NFATC1: variants seen among roughly 807,000 people sequenced by gnomAD.
NFATC1 encodes the protein nuclear factor of activated T-cells, cytoplasmic 1.
In NFATC1, 22 loss-of-function variants were observed where a neutral mutation model predicts 76.0. That is an observed-to-expected ratio of 0.29 (90% confidence interval 0.21 to 0.41). The LOEUF (loss-of-function observed/expected upper bound fraction) is 0.41, where lower values mean the gene tolerates loss of function less well. Ranked by LOEUF, NFATC1 falls within the 10% of genes least tolerant of loss-of-function variation. The probability of loss-of-function intolerance (pLI) is 1.00; values close to 1 mark genes in which losing one functional copy is unlikely to be tolerated. For synonymous variants in NFATC1, 704 were observed against 613.1 expected (o/e 1.15, Z -2.19); for missense variants, 1,357 against 1,337.7 (o/e 1.01, Z -0.23).
At chr18:79,484,615 A>C (rs2089442020) in intron 8 of NFATC1, among the ~76,000 whole-genome samples, 1 of 152,202 alleles carries the variant, frequency 6.6e-6, no homozygotes, top group Non-Finnish European at 1.5e-5. Context: ...TGAATGAGTG[A>C]ATGAAAGTAG....
intron 2 of NFATC1, among the ~76,000 whole-genome samples, chr18:79,413,713 G>A (rs1462427269): frequency 1.3e-5 from 2 of 152,250 alleles, no homozygotes; most frequent in Admixed American, 6.5e-5. Context: ...GCGCAAGCTC[G>A]TCCTGGTTCC....
chr18:79,508,857 CCT>C (rs2090179450), intron 9 of NFATC1, among the ~76,000 whole-genome samples: 1 of 150,620 alleles, frequency 6.6e-6, no homozygotes, highest in African/African-American at 2.4e-5. Context: ...TATCTCTCTC[CCT>C]CTGTCTCTGC....
chr18:79,416,387 G>A (rs1193176741), intron 2 of NFATC1, among the ~76,000 whole-genome samples: 6 of 152,232 alleles, frequency 3.9e-5, no homozygotes, highest in Non-Finnish European at 8.8e-5. Context: ...TGAGGGGTTC[G>A]GGCCCCGGCA....
chr18:79,402,761 T>C (rs1360402853), intron 1 of NFATC1, among the ~76,000 whole-genome samples: 25 of 152,262 alleles, frequency 1.6e-4, no homozygotes, highest in Non-Finnish European at 1.5e-5. Context: ...TGCTGTTTTC[T>C]CCTTTCTTTT....
intron 8 of NFATC1, among the ~76,000 whole-genome samples, chr18:79,482,110 G>GT (rs200746896): frequency 3.6e-5 from 5 of 139,198 alleles, no homozygotes; most frequent in African/African-American, 5.5e-5. Context: ...GCGTGACCTG[G>GT]TCCTGGGGTG....
intron 8 of NFATC1, among the ~76,000 whole-genome samples, chr18:79,474,837 CTCGCTG>C (rs1173022781): frequency 6.9e-6 from 1 of 144,802 alleles, no homozygotes. Flanking sequence ...TGTTCTCACG[CTCGCTG>C]TCAACGTAAA....
intron 9 of NFATC1, among the ~76,000 whole-genome samples, chr18:79,506,875 A>G (rs2090130597): frequency 6.6e-6 from 1 of 152,230 alleles, no homozygotes; most frequent in African/African-American, 2.4e-5. Context: ...TTAATTCTGA[A>G]ACAGGGTTCT....
chr18:79,409,149 G>A lies in NFATC1; in HGVS notation c.128-1254G>A, dbSNP rs111164321. 4.0e-3 allele frequency among the ~76,000 whole-genome samples: 165 copies of A among 41,322 alleles called. 13 individuals are homozygous for A. The highest frequency in any genetic ancestry group is 7.0e-3 in the African/African-American group (143 of 20,294). The allele number at this position is 41,322 out of a possible 152,430, so 27.1% of individuals were successfully genotyped here. A position where few individuals can be genotyped will look rare whatever the true frequency, so the allele number is the denominator to read the frequency against. On this transcript the variant is annotated intron_variant, in intron 1 of 9. Coordinates refer to ENST00000427363, the MANE Select transcript of NFATC1 (RefSeq NM_001278669.2). ...TCCTCCATTCCCTATCCATCCATCC[G>A]TCATCCATCTATCCATCATCATCCA...
intron 2 of NFATC1, among the ~76,000 whole-genome samples, chr18:79,424,564 T>C (rs1274111567): frequency 6.6e-6 from 1 of 152,110 alleles, no homozygotes; most frequent in African/African-American, 2.4e-5. Context: ...TGTCTCTCTC[T>C]GTCTCTGTCT....
intron 9 of NFATC1, among the ~76,000 whole-genome samples, chr18:79,523,097 C>A (rs1033475692): frequency 2.6e-5 from 4 of 152,226 alleles, no homozygotes; most frequent in African/African-American, 9.6e-5. Context: ...CCTGCCTTTG[C>A]CGCTCCCGGG....
intron 9 of NFATC1, among the ~76,000 whole-genome samples, chr18:79,523,132 C>T (rs1437990535): frequency 6.6e-6 from 1 of 152,232 alleles, no homozygotes; most frequent in Non-Finnish European, 1.5e-5. Flanking sequence ...CAAGCAGGTG[C>T]ACAAAGGGCC....
chr18:79,402,941 C>G (rs1253831023), intron 1 of NFATC1, among the ~76,000 whole-genome samples: 1 of 152,228 alleles, frequency 6.6e-6, no homozygotes, highest in Admixed American at 6.5e-5. Context: ...AGTCTGAGAT[C>G]AATTGCAAAG....
At chr18:79,482,649 G>A in intron 8 of NFATC1, among the ~76,000 whole-genome samples, 2 of 137,656 alleles carry the variant, frequency 1.5e-5, no homozygotes, top group African/African-American at 2.6e-5. Flanking sequence ...CTCGTTCCTG[G>A]GGTGTAATTC....
At position 79,448,789 on chromosome 18, in the gene NFATC1, G is replaced by A; in HGVS notation, c.1394G>A (p.Gly465Asp). 6.2e-7 allele frequency: 1 copy of A among 1,613,386 alleles called. No homozygotes were observed. Among genetic ancestry groups the A allele is most frequent in the Non-Finnish European group, 8.5e-7 (1 of 1,179,796 alleles). The change falls in exon 4 of 10, where the codon GGC (glycine) becomes GAC (aspartate). Residue 465 changes from glycine (G) to aspartate (D), a missense_variant. Coordinates refer to ENST00000427363, the MANE Select transcript of NFATC1 (RefSeq NM_001278669.2). ...AGGHPIVQLH[G>D]YLENEPLMLQ... ...TTTCTGTTCTCTCGCCAGCTGCATGGCTACTTGGAGAATGAGCCGCTGATG... is the reference window on the plus strand; with the variant it reads ...TTTCTGTTCTCTCGCCAGCTGCATGACTACTTGGAGAATGAGCCGCTGATG...
intron 9 of NFATC1, among the ~76,000 whole-genome samples, chr18:79,506,205 G>T (rs2090117914): frequency 6.6e-6 from 1 of 152,204 alleles, no homozygotes; most frequent in African/African-American, 2.4e-5. Context: ...GTCTGAGCCT[G>T]TGGCGTGGTT....
In NFATC1 at chr18:79,528,254, G is replaced by A. The variant is rs907974349; in HGVS notation, c.*677G>A. ...TAGGCTTGTTCATAGTCGCATGCTCGCATCTTTGTTTTTAATCTGGCTTCG... is the reference window on the plus strand; with the variant it reads ...TAGGCTTGTTCATAGTCGCATGCTCACATCTTTGTTTTTAATCTGGCTTCG... On this transcript the variant is annotated 3_prime_UTR_variant, in exon 10 of 10. Transcript: ENST00000427363. 7 of 264,332 alleles carry A rather than the reference G, an allele frequency of 2.6e-5. No individual in the cohort carries two copies. The South Asian group carries it at 5.2e-4, about 20-fold the overall frequency. The allele number at this position is 264,332 out of a possible 1,614,324, so 16.4% of individuals were successfully genotyped here. A position where few individuals can be genotyped will look rare whatever the true frequency, so the allele number is the denominator to read the frequency against.
chr18:79,396,661 G>A (rs1314165505), intron 1 of NFATC1, among the ~76,000 whole-genome samples: 1 of 152,232 alleles, frequency 6.6e-6, no homozygotes, highest in Non-Finnish European at 1.5e-5. Context: ...GGACGGGCGA[G>A]GCTGGGCCGT....
intron 2 of NFATC1, among the ~76,000 whole-genome samples, chr18:79,425,467 C>T (rs1029841110): frequency 6.6e-6 from 1 of 152,304 alleles, no homozygotes. Flanking sequence ...CAGAGTCTGT[C>T]GCTTCGTCTG....
intron 9 of NFATC1, among the ~76,000 whole-genome samples, chr18:79,520,535 G>C (rs552812363): frequency 2.8e-5 from 4 of 143,230 alleles, no homozygotes; most frequent in Non-Finnish European, 4.7e-5. Flanking sequence ...TGTGTGTGGG[G>C]GGGGGAGGGT....
Sources: gnomAD v4.1 joint callset for allele counts (sites outside exome capture counted in the v4.1 genomes callset) on GRCh38, gnomAD v4.1.1 for gene constraint, MANE v1.5 for transcripts, NCBI Gene and HGNC (gene_info 2026-07-23, HGNC 2026-07-21) for gene names.